Variants in MYO16 observed in about 807,000 individuals in gnomAD.
MYO16 encodes the protein myosin XVI, also known as unconventional myosin-XVI.
A neutral mutation model predicts 205.3 loss-of-function variants in MYO16; 94 were observed. That is an observed-to-expected ratio of 0.46 (90% CI 0.39 to 0.54). The LOEUF is 0.54. MYO16 is among the 20% of genes least tolerant of loss of function. The pLI is 0.00. For synonymous variants in MYO16, 988 were observed against 954.0 expected (o/e 1.04, Z -0.66); for missense variants, 2,315 against 2,387.5 (o/e 0.97, Z 0.63).
the MYO16 span, among the ~76,000 whole-genome samples, chr13:108,584,762 T>A: frequency 6.6e-6 from 1 of 152,208 alleles, no homozygotes; most frequent in Non-Finnish European, 1.5e-5. Flanking sequence ...CAGGTACATG[T>A]CTGTTAGAGC....
At chr13:108,525,343 A>C in the MYO16 span, among the ~76,000 whole-genome samples, 1 of 152,232 alleles carries the variant, frequency 6.6e-6, no homozygotes, top group African/African-American at 2.4e-5. Flanking sequence ...TAGGCACCTA[A>C]TGAAAATAAT....
chr13:108,534,726 C>A, the MYO16 span, among the ~76,000 whole-genome samples: 1 of 151,970 alleles, frequency 6.6e-6, no homozygotes, highest in Non-Finnish European at 1.5e-5. Context: ...CCTGACAGTT[C>A]CTTACTACTG....
At chr13:108,732,696 A>G (rs976354651) in intron 4 of MYO16, among the ~76,000 whole-genome samples, 1 of 152,200 alleles carries the variant, frequency 6.6e-6, no homozygotes, top group Non-Finnish European at 1.5e-5. Context: ...AGGTATGGAA[A>G]GAAGTGACGT....
chr13:108,633,930 C>A (rs189216925), intron 1 of MYO16, among the ~76,000 whole-genome samples: 3 of 152,142 alleles, frequency 2.0e-5, no homozygotes, highest in Non-Finnish European at 2.9e-5. Flanking sequence ...CCTGGTCCAG[C>A]GCCCATAGTC....
intron 24 of MYO16, among the ~76,000 whole-genome samples, chr13:109,049,977 T>TGTGTGTGTG (rs1594502552): frequency 3.3e-5 from 5 of 149,952 alleles, no homozygotes; most frequent in African/African-American, 4.9e-5. Flanking sequence ...TGTGTGTGTG[T>TGTGTGTGTG]TTACTTTCTG....
intron 16 of MYO16, among the ~76,000 whole-genome samples, chr13:108,941,567 A>C (rs756244446): frequency 5.3e-5 from 8 of 151,060 alleles, no homozygotes; most frequent in Admixed American, 2.0e-4. Context: ...ATCCCAGCTA[A>C]TTGGGAGGCT....
chr13:108,613,359 A>G (rs184741255), intron 1 of MYO16, among the ~76,000 whole-genome samples: 214 of 152,278 alleles, frequency 1.4e-3, no homozygotes, highest in African/African-American at 5.1e-3. Flanking sequence ...TCTAAAATTT[A>G]TCTTTACTTG....
chr13:109,191,587 C>T (rs1879918241), intron 34 of MYO16, among the ~76,000 whole-genome samples: 1 of 152,164 alleles, frequency 6.6e-6, no homozygotes, highest in African/African-American at 2.4e-5. Context: ...GTGCTGACGT[C>T]AGGGCAGAGT....
chr13:109,203,231 A>C (rs188794756), intron 34 of MYO16, among the ~76,000 whole-genome samples: 10 of 152,328 alleles, frequency 6.6e-5, no homozygotes, highest in Non-Finnish European at 1.5e-4. Context: ...TTTGTATGGC[A>C]AAAGGAATAG....
chr13:108,896,551 C>G (rs1301974905), intron 14 of MYO16, among the ~76,000 whole-genome samples: 3 of 152,192 alleles, frequency 2.0e-5, no homozygotes, highest in African/African-American at 4.8e-5. Context: ...TCACTATTAT[C>G]ACAACTTGTA....
intron 3 of MYO16, among the ~76,000 whole-genome samples, chr13:108,722,615 A>T (rs1884205241): frequency 6.6e-6 from 1 of 152,200 alleles, no homozygotes; most frequent in Admixed American, 6.5e-5. Context: ...GGTCGAGGAT[A>T]TCTTGACAGG....
At chr13:108,802,724 C>T (rs1399668243) in intron 6 of MYO16, among the ~76,000 whole-genome samples, 1 of 152,158 alleles carries the variant, frequency 6.6e-6, no homozygotes, top group Non-Finnish European at 1.5e-5. Flanking sequence ...TTCTCTGTGT[C>T]CTTGCCAGCA....
At chr13:108,756,735 T>A (rs1885434013) in intron 4 of MYO16, among the ~76,000 whole-genome samples, 1 of 152,194 alleles carries the variant, frequency 6.6e-6, no homozygotes, top group African/African-American at 2.4e-5. Flanking sequence ...GAGGGTATTC[T>A]GTACTCAGTC....
At chr13:108,939,334 G>T (rs1882624238) in intron 16 of MYO16, among the ~76,000 whole-genome samples, 1 of 152,178 alleles carries the variant, frequency 6.6e-6, no homozygotes. Flanking sequence ...GGTTGCTGGG[G>T]TCCCCGGGGG....
At chr13:108,774,784 A>G (rs1330131502) in intron 4 of MYO16, among the ~76,000 whole-genome samples, 3 of 152,204 alleles carry the variant, frequency 2.0e-5, no homozygotes, top group African/African-American at 7.2e-5. Flanking sequence ...ATGTGCACAA[A>G]CCCTTAAGGT....
intron 28 of MYO16, among the ~76,000 whole-genome samples, chr13:109,117,472 G>A (rs9559501): frequency 6.8e-6 from 1 of 147,142 alleles, no homozygotes; most frequent in Non-Finnish European, 1.5e-5. Flanking sequence ...GTGTATATAT[G>A]TATGTATATG....
intron 16 of MYO16, 73 bp downstream of exon 16, chr13:108,910,223 A>G: frequency 6.8e-7 from 1 of 1,463,276 alleles, no homozygotes; most frequent in Non-Finnish European, 9.4e-7. Flanking sequence ...GTCTTAAATT[A>G]TCTTCTTACT....
intron 19 of MYO16, among the ~76,000 whole-genome samples, chr13:108,962,805 A>G (rs948298689): frequency 6.6e-6 from 1 of 152,174 alleles, no homozygotes; most frequent in African/African-American, 2.4e-5. Flanking sequence ...GCCATGCTGC[A>G]CTCTTCAATG....
intron 9 of MYO16, among the ~76,000 whole-genome samples, chr13:108,843,213 A>C (rs193227772): frequency 6.6e-6 from 1 of 151,986 alleles, no homozygotes; most frequent in Non-Finnish European, 1.5e-5. Flanking sequence ...CCTTTACAAA[A>C]TGTATATCTA....
Sources: allele counts gnomAD v4.1 joint callset (sites outside exome capture counted in the v4.1 genomes callset), GRCh38; gene constraint gnomAD v4.1.1; transcripts MANE v1.5; gene names NCBI Gene and HGNC (gene_info 2026-07-23, HGNC 2026-07-21).